The following ANK3 variants were observed in gnomAD, a reference collection of about 807,000 sequenced individuals.
The protein encoded by ANK3 is ankyrin-3.
In ANK3, 57 loss-of-function variants were observed where a neutral mutation model predicts 370.9. The ratio of observed to expected loss-of-function variants is 0.15; its 90% CI spans 0.12 to 0.19. The LOEUF (loss-of-function observed/expected upper bound fraction) is 0.19, where lower values mean the gene tolerates loss of function less well. Among genes scored for constraint, ANK3 ranks in the 10% least tolerant of loss-of-function variants. The pLI, the probability that ANK3 is intolerant of heterozygous loss-of-function variation, is 1.00. For synonymous variants in ANK3, 1,929 were observed against 1,946.3 expected (o/e 0.99, Z 0.23); for missense variants, 4,439 against 5,302.1 (o/e 0.84, Z 5.06).
intron 2 of ANK3, among the ~76,000 whole-genome samples, chr10:60,529,112 G>C (rs1282719513): frequency 6.6e-6 from 1 of 152,116 alleles, no homozygotes; most frequent in East Asian, 1.9e-4. Flanking sequence ...CAGAAGGTAT[G>C]TGCAAAGAAC....
rs1204201835 is a variant in ANK3, at chr10:60,074,343, C to T, written c.6538G>A (p.Ala2180Thr). The T allele has an allele frequency of 6.2e-6, 10 of 1,613,880 alleles. No homozygotes were observed. In the Admixed American group the frequency reaches 1.5e-4, roughly 24 times the overall value. The change falls in exon 37 of 44, where the codon GCT (alanine) becomes ACT (threonine). Residue 2180 changes from alanine to threonine, a missense_variant. Physicochemically the swap from Ala to Thr is moderately conservative, Grantham distance 58. Transcript: ENST00000280772. ...GGTTGGGTCTGGGGAACATCCCCAG[C>T]TGAGGGATCATAGCTCCTGATAACA... ...VHVIRSYDPS[A>T]GDVPQTQPEE...
rs1447406108 is a variant in ANK3 at position 60,684,548 on chromosome 10, T to A, written c.57+48715A>T. ...GACCAGACTTCTATCCTGTCCAGTC[T>A]GCCTTCATTTCAATCCTTCCACATT... On this transcript the variant is annotated intron_variant, in intron 1 of 43. Transcript: ENST00000373827. 5.7e-6 allele frequency: 9 copies of A among 1,582,674 alleles called. No homozygotes were observed. In the African/African-American group the frequency reaches 8.1e-5, roughly 14 times the overall value.
intron 25 of ANK3, among the ~76,000 whole-genome samples, chr10:60,122,160 A>T (rs1034054037): frequency 6.6e-6 from 1 of 152,208 alleles, no homozygotes; most frequent in African/African-American, 2.4e-5. Context: ...TGAAAAGACA[A>T]CCCAGTTGTG....
intron 43 of ANK3, among the ~76,000 whole-genome samples, chr10:60,040,534 T>A (rs1205615495): frequency 1.3e-5 from 2 of 152,252 alleles, no homozygotes; most frequent in Non-Finnish European, 2.9e-5. Context: ...CACATTCATA[T>A]GAATCTACCC....
intron 2 of ANK3, among the ~76,000 whole-genome samples, chr10:60,489,368 C>T (rs1402862537): frequency 2.0e-5 from 3 of 152,276 alleles, no homozygotes; most frequent in Admixed American, 6.5e-5. Flanking sequence ...GTTATTATTA[C>T]ATGTTATGTA....
chr10:60,528,044 C>T (rs1201255902), intron 2 of ANK3, among the ~76,000 whole-genome samples: 3 of 151,816 alleles, frequency 2.0e-5, no homozygotes, highest in South Asian at 2.1e-4. Context: ...ACATGCAAAA[C>T]GATCCATAAG....
At chr10:60,644,777 C>T (rs1310488579) in intron 1 of ANK3, among the ~76,000 whole-genome samples, 1 of 134,650 alleles carries the variant, frequency 7.4e-6, no homozygotes, top group African/African-American at 2.6e-5. Flanking sequence ...GTATTCAATA[C>T]TTATGCCAAA....
rs117266082 is a variant in ANK3 at position 60,261,901 on chromosome 10, C to A, written c.756G>T (p.Thr252=). 6.2e-7 allele frequency: 1 copy of A among 1,614,120 alleles called. No individual in the cohort carries two copies. The highest frequency in any genetic ancestry group is 1.1e-5 in the South Asian group (1 of 91,080). ...AAHYGNINVA[T]LLLNRAAAVD... is the part of the protein sequence containing the mutation. Reference sequence around the variant, plus strand: ...CAGCAGCCGCTCGGTTTAACAGCAACGTGGCTACATTGATATTTCCATAGT... The same window carrying A: ...CAGCAGCCGCTCGGTTTAACAGCAAAGTGGCTACATTGATATTTCCATAGT... Residue 252 remains threonine, a synonymous_variant, in exon 7 of 44, where the codon ACG becomes ACT. Coordinates refer to ENST00000280772, the MANE Select transcript of ANK3 (RefSeq NM_020987.5).
chr10:60,267,253 T>C (rs2097896437), intron 5 of ANK3, among the ~76,000 whole-genome samples: 1 of 151,794 alleles, frequency 6.6e-6, no homozygotes, highest in African/African-American at 2.4e-5. Context: ...CCAATATTAT[T>C]GCTAATGAGA....
chr10:60,137,238 C>T (rs182573734), intron 24 of ANK3: 1 of 194,922 alleles, frequency 5.1e-6, no homozygotes, highest in Non-Finnish European at 1.1e-5. Context: ...AAGCACATCG[C>T]AGCACATCAC....
chr10:60,588,160 T>TTTTTTATTATTA (rs375338986), intron 2 of ANK3, among the ~76,000 whole-genome samples: 3 of 141,116 alleles, frequency 2.1e-5, no homozygotes, highest in South Asian at 2.3e-4. Flanking sequence ...TTTCTCAGTT[T>TTTTTTATTATTA]TTATTATTAT....
At chr10:60,065,591 T>C (rs1404262494) in intron 38 of ANK3, among the ~76,000 whole-genome samples, 2 of 152,212 alleles carry the variant, frequency 1.3e-5, no homozygotes, top group Non-Finnish European at 2.9e-5. Flanking sequence ...GAATGTTCAT[T>C]GAAAACAATC....
rs376861203 is a variant in ANK3, at chr10:60,354,887, AT to A, written c.114+34537del. Among the ~76,000 whole-genome samples, 18 of 152,228 alleles carry A rather than the reference AT, an allele frequency of 1.2e-4. No homozygotes were observed. In the East Asian group the frequency reaches 2.7e-3, roughly 23 times the overall value. ...TTTTCTTTTGTATTTTTTGATATTG[AT>A]GGTTTTGAATTTTCCAGAGAATTCC... is the stretch of plus-strand genomic sequence containing the variant. On this transcript the variant is annotated intron_variant, in intron 1 of 43. Coordinates refer to ENST00000280772, the MANE Select transcript of ANK3 (RefSeq NM_020987.5).
chr10:60,195,100 A>C (rs1035789563), intron 16 of ANK3, among the ~76,000 whole-genome samples: 6 of 152,170 alleles, frequency 3.9e-5, no homozygotes, highest in East Asian at 1.9e-4. Context: ...TAAAAAGCAT[A>C]AGGGAGGCCG....
chr10:60,512,968 C>T (rs1339367872), intron 2 of ANK3, among the ~76,000 whole-genome samples: 1 of 152,082 alleles, frequency 6.6e-6, no homozygotes, highest in Non-Finnish European at 1.5e-5. Context: ...TCATTAAAAA[C>T]TTGCACTTAG....
intron 2 of ANK3, among the ~76,000 whole-genome samples, chr10:60,414,748 G>A (rs1371491385): frequency 6.6e-6 from 1 of 152,032 alleles, no homozygotes; most frequent in East Asian, 1.9e-4. Context: ...GCTTTTTTTG[G>A]CTGAAGTCAT....
At chr10:60,722,946 T>C (rs1445761872) in intron 1 of ANK3, among the ~76,000 whole-genome samples, 2 of 152,204 alleles carry the variant, frequency 1.3e-5, no homozygotes, top group Admixed American at 1.3e-4. Flanking sequence ...AGCCAACTAA[T>C]AAACCTATTT....
At chr10:60,120,910 C>T (rs902741595) in intron 25 of ANK3, among the ~76,000 whole-genome samples, 3 of 151,868 alleles carry the variant, frequency 2.0e-5, no homozygotes, top group Admixed American at 6.6e-5. Context: ...GGAGGTTCCT[C>T]GAAAAACTGA....
chr10:60,246,297 G>C (rs369300661), intron 7 of ANK3, among the ~76,000 whole-genome samples: 4 of 129,586 alleles, frequency 3.1e-5, no homozygotes, highest in African/African-American at 1.2e-4. Context: ...AAGAAAAAAA[G>C]ATGATCACCA....
Sources: gnomAD v4.1 joint callset for allele counts (sites outside exome capture counted in the v4.1 genomes callset) on GRCh38, gnomAD v4.1.1 for gene constraint, MANE v1.5 for transcripts, NCBI Gene and HGNC (gene_info 2026-07-23, HGNC 2026-07-21) for gene names.